PLPPR1: variants seen among roughly 807,000 people sequenced by gnomAD.
The protein encoded by PLPPR1 is phospholipid phosphatase related 1.
A neutral mutation model predicts 33.1 loss-of-function variants in PLPPR1; 10 were observed. The observed-to-expected ratio is 0.30, with a 90% CI of 0.19 to 0.51. PLPPR1 has a LOEUF of 0.51. PLPPR1 is among the 20% of genes least tolerant of loss of function. The pLI, the probability that PLPPR1 is intolerant of heterozygous loss-of-function variation, is 0.97. For missense variants in PLPPR1, 304 were observed against 408.1 expected, an observed-to-expected ratio of 0.74 and a Z score of 2.20; for synonymous variants, 151 against 151.0, an observed-to-expected ratio of 1.00 and a Z score of 0.00.
rs76560405 is a variant in PLPPR1 at position 101,199,075 on chromosome 9, A to G, written c.63+13518A>G. Among the ~76,000 whole-genome samples the G allele has an allele frequency of 7.9e-3, 1,199 of 152,342 alleles. 20 individuals carry two copies. Among genetic ancestry groups the G allele is most frequent in the African/African-American group, 0.026 (1,062 of 41,584 alleles). The stretch of plus-strand genomic sequence containing the variant: ...ACATGAGCTGAGATTTTCACTATAT[A>G]CAATAGATACCATATTCCTTCAGAC... On this transcript the variant is annotated intron_variant, in intron 2 of 7. Transcript: ENST00000374874.
chr9:101,300,053 A>G (rs1036426458), intron 4 of PLPPR1, among the ~76,000 whole-genome samples: 9 of 150,474 alleles, frequency 6.0e-5, no homozygotes, highest in African/African-American at 2.2e-4. Context: ...AATATCTTGC[A>G]TAACAAAAAT....
chr9:101,214,660 T>G (rs1046710622), intron 2 of PLPPR1, among the ~76,000 whole-genome samples: 1 of 152,206 alleles, frequency 6.6e-6, no homozygotes, highest in African/African-American at 2.4e-5. Flanking sequence ...TCCAACCCTA[T>G]GCTCTCAAAA....
At chr9:101,287,161 G>A (rs1421635501) in intron 4 of PLPPR1, among the ~76,000 whole-genome samples, 1 of 152,144 alleles carries the variant, frequency 6.6e-6, no homozygotes, top group Non-Finnish European at 1.5e-5. Flanking sequence ...ATAGTGCAGT[G>A]GGAAACCTAA....
chr9:101,226,975 C>T (rs2118806551), intron 2 of PLPPR1, among the ~76,000 whole-genome samples: 1 of 152,246 alleles, frequency 6.6e-6, no homozygotes, highest in Middle Eastern at 3.4e-3. Flanking sequence ...GTGATGACCA[C>T]ATGGGGGCAC....
intron 1 of PLPPR1, among the ~76,000 whole-genome samples, chr9:101,148,819 G>A (rs538903849): frequency 7.9e-5 from 12 of 151,788 alleles, no homozygotes; most frequent in Non-Finnish European, 1.6e-4. Context: ...CTATTCCAGG[G>A]CATATTTAGA....
At chr9:101,073,898 A>T (rs1299575943) in intron 1 of PLPPR1, among the ~76,000 whole-genome samples, 1 of 152,220 alleles carries the variant, frequency 6.6e-6, no homozygotes, top group Admixed American at 6.5e-5. Flanking sequence ...AAGAAGATGA[A>T]GCCATGAATA....
At chr9:101,285,583 A>G (rs1564026791) in intron 3 of PLPPR1, among the ~76,000 whole-genome samples, 1 of 152,326 alleles carries the variant, frequency 6.6e-6, no homozygotes, top group South Asian at 2.1e-4. Context: ...ATGCTATATA[A>G]CAAAACTAAT....
At chr9:101,218,439 T>A (rs891620793) in intron 2 of PLPPR1, among the ~76,000 whole-genome samples, 9 of 152,202 alleles carry the variant, frequency 5.9e-5, no homozygotes, top group African/African-American at 2.2e-4. Context: ...ACTCCTTGTT[T>A]GACAGAGCAC....
intron 4 of PLPPR1, among the ~76,000 whole-genome samples, chr9:101,300,403 T>C (rs1169039601): frequency 6.6e-6 from 1 of 152,180 alleles, no homozygotes; most frequent in East Asian, 1.9e-4. Flanking sequence ...GGTCTCGAAC[T>C]TAAGGGATCC....
chr9:101,285,080 G>A (rs930325740), intron 3 of PLPPR1, among the ~76,000 whole-genome samples: 2 of 152,164 alleles, frequency 1.3e-5, no homozygotes, highest in African/African-American at 2.4e-5. Flanking sequence ...GCCTGCAGGA[G>A]GGATCTTGTG....
chr9:101,064,673 T>C (rs1348897141), intron 1 of PLPPR1, among the ~76,000 whole-genome samples: 1 of 152,096 alleles, frequency 6.6e-6, no homozygotes, highest in Non-Finnish European at 1.5e-5. Flanking sequence ...TCGTCTGTTT[T>C]CTGTTACTAT....
chr9:101,120,373 G>C (rs1831164117), intron 1 of PLPPR1, among the ~76,000 whole-genome samples: 1 of 152,130 alleles, frequency 6.6e-6, no homozygotes, highest in African/African-American at 2.4e-5. Context: ...CCACATTTTT[G>C]TTCAAGGTCA....
intron 6 of PLPPR1, among the ~76,000 whole-genome samples, chr9:101,313,688 G>C (rs1323109288): frequency 6.6e-6 from 1 of 152,082 alleles, no homozygotes; most frequent in Non-Finnish European, 1.5e-5. Flanking sequence ...AATTGAGTTG[G>C]AGTTGATAAA....
intron 2 of PLPPR1, among the ~76,000 whole-genome samples, chr9:101,263,844 G>C (rs1203756095): frequency 6.6e-6 from 1 of 152,166 alleles, no homozygotes; most frequent in East Asian, 1.9e-4. Context: ...GTTTAAAACA[G>C]TTCCTGGGAC....
intron 1 of PLPPR1, among the ~76,000 whole-genome samples, chr9:101,084,298 G>A (rs1830652731): frequency 6.6e-6 from 1 of 152,182 alleles, no homozygotes; most frequent in Admixed American, 6.5e-5. Flanking sequence ...ATTCCTACCA[G>A]TGATACTAAA....
chr9:101,106,050 T>A (rs373759491), intron 1 of PLPPR1, among the ~76,000 whole-genome samples: 17 of 151,336 alleles, frequency 1.1e-4, no homozygotes, highest in Admixed American at 1.1e-3. Context: ...TGTCTCTGCA[T>A]GTGAGATGGG....
At chr9:101,120,085 G>T (rs1247740499) in intron 1 of PLPPR1, among the ~76,000 whole-genome samples, 1 of 152,184 alleles carries the variant, frequency 6.6e-6, no homozygotes, top group Non-Finnish European at 1.5e-5. Flanking sequence ...TCTTTCTGTG[G>T]CTGATTAAGT....
rs192849102 is a variant in PLPPR1, at chr9:101,094,096, T to A, written c.-46+64994T>A. 2.0e-5 allele frequency among the ~76,000 whole-genome samples: 3 copies of A among 152,264 alleles called. No homozygotes were observed. In the South Asian group the frequency reaches 6.2e-4, roughly 32 times the overall value. ...CTCCCTTCTTCCTGCCTTGCCACTCTCCGGATATTCTTCATATGGTAGCCA... is the reference window on the plus strand; with the variant it reads ...CTCCCTTCTTCCTGCCTTGCCACTCACCGGATATTCTTCATATGGTAGCCA... On this transcript the variant is annotated intron_variant, in intron 1 of 7. Coordinates refer to ENST00000374874, the MANE Select transcript of PLPPR1 (RefSeq NM_207299.2).
intron 1 of PLPPR1, among the ~76,000 whole-genome samples, chr9:101,129,740 C>A (rs910008974): frequency 6.6e-6 from 1 of 151,866 alleles, no homozygotes; most frequent in Non-Finnish European, 1.5e-5. Context: ...CTGAGGCAGG[C>A]GAATGGTGTG....
Sources: gnomAD v4.1 joint callset for allele counts (sites outside exome capture counted in the v4.1 genomes callset) on GRCh38, gnomAD v4.1.1 for gene constraint, MANE v1.5 for transcripts, NCBI Gene and HGNC (gene_info 2026-07-23, HGNC 2026-07-21) for gene names.